Variants in SHQ1 observed in about 807,000 individuals in gnomAD.
SHQ1 encodes the protein SHQ1, H/ACA ribonucleoprotein assembly factor, also known as protein SHQ1 homolog.
Under a neutral mutation model 53.8 loss-of-function variants are expected in SHQ1, and 49 were observed. That is an observed-to-expected ratio of 0.91 (90% CI 0.72 to 1.16). The LOEUF is 1.16. Ranked by LOEUF, SHQ1 falls within the 50% of genes most tolerant of loss-of-function variation. The probability of loss-of-function intolerance (pLI) is 0.00; values close to 1 mark genes in which losing one functional copy is unlikely to be tolerated. For missense variants in SHQ1, 738 were observed against 683.1 expected (o/e 1.08, Z -0.90); for synonymous variants, 243 against 251.0 (o/e 0.97, Z 0.30).
At chr3:72,746,950 A>G (rs1705269201), downstream of SHQ1, among the ~76,000 whole-genome samples, 1 of 152,246 alleles carries the variant, frequency 6.6e-6, no homozygotes, top group Admixed American at 6.5e-5. Flanking sequence ...GGAAGCTGAG[A>G]GAAGTCTTGT....
intron 9 of SHQ1, chr3:72,794,155 G>A (rs568874595): frequency 4.6e-5 from 7 of 152,238 alleles, no homozygotes; most frequent in South Asian, 2.1e-4. Flanking sequence ...TCTGAAACGC[G>A]GAAATACTGT....
In SHQ1 at chr3:72,752,993, G is replaced by C. The variant is rs539685562; in HGVS notation, c.1182-2157C>G. 4.5e-4 allele frequency: 444 copies of C among 985,360 alleles called. 2 individuals are homozygous for C. Among genetic ancestry groups the C allele is most frequent in the South Asian group, 1.0e-3 (22 of 21,284 alleles). The allele number at this position is 985,360 out of a possible 1,614,324, so 61.0% of individuals were successfully genotyped here. A position where few individuals can be genotyped will look rare whatever the true frequency, so the allele number is the denominator to read the frequency against. On this transcript the variant is annotated intron_variant, in intron 10 of 10. Transcript: ENST00000325599. ...CGCTTTTCCTCTAAATTACCTGCTA[G>C]ATTTATAATATTACATTGTATCGAG...
intron 8 of SHQ1, 35 bp downstream of exon 8, chr3:72,815,314 CA>C (rs755523676): frequency 4.3e-5 from 69 of 1,586,376 alleles, no homozygotes; most frequent in Non-Finnish European, 5.7e-5. Context: ...ACTTCCTGAA[CA>C]ACAAATTCTA....
chr3:72,770,965 T>A (rs964559783), intron 10 of SHQ1, among the ~76,000 whole-genome samples: 5 of 152,168 alleles, frequency 3.3e-5, no homozygotes, highest in Admixed American at 6.5e-5. Context: ...ACAAAACATA[T>A]AACAATCTCC....
chr3:72,827,005 T>C (rs182384671), intron 5 of SHQ1, among the ~76,000 whole-genome samples: 2 of 152,274 alleles, frequency 1.3e-5, no homozygotes, highest in East Asian at 3.9e-4. Flanking sequence ...GACATAATGG[T>C]GGCCTAGGAT....
intron 10 of SHQ1, among the ~76,000 whole-genome samples, chr3:72,791,104 G>A (rs1388073817): frequency 6.6e-6 from 1 of 152,012 alleles, no homozygotes; most frequent in African/African-American, 2.4e-5. Flanking sequence ...ATATCACAAA[G>A]AGAGAAACAG....
intron 10 of SHQ1, among the ~76,000 whole-genome samples, chr3:72,758,800 C>T (rs1705554309): frequency 6.6e-6 from 1 of 152,120 alleles, no homozygotes; most frequent in East Asian, 1.9e-4. Flanking sequence ...AACTCCTGAC[C>T]TCATGATCTG....
At chr3:72,825,617 T>C (rs571745363) in intron 5 of SHQ1, among the ~76,000 whole-genome samples, 15 of 152,204 alleles carry the variant, frequency 9.9e-5, no homozygotes, top group Admixed American at 3.3e-4. Flanking sequence ...TATTCAGAAA[T>C]GATTCTATCT....
At chr3:72,832,869 C>T (rs1163094182) in intron 4 of SHQ1, among the ~76,000 whole-genome samples, 1 of 148,938 alleles carries the variant, frequency 6.7e-6, no homozygotes, top group Non-Finnish European at 1.5e-5. Context: ...GATTTTCAGA[C>T]ATCTACACGG....
At chr3:72,805,186 T>C (rs1706901881) in intron 9 of SHQ1, among the ~76,000 whole-genome samples, 1 of 152,092 alleles carries the variant, frequency 6.6e-6, no homozygotes, top group Non-Finnish European at 1.5e-5. Flanking sequence ...AATAAGAAAA[T>C]AAAGACACAG....
At chr3:72,844,228 C>G in intron 2 of SHQ1, 131 bp downstream of exon 2, 1 of 727,582 alleles carries the variant, frequency 1.4e-6, no homozygotes, top group East Asian at 2.8e-5. Flanking sequence ...CACTAAGAAA[C>G]AAGAAAGAGT....
At chr3:72,765,542 TATATATATATA>T (rs1559662581) in intron 10 of SHQ1, among the ~76,000 whole-genome samples, 2 of 96,032 alleles carry the variant, frequency 2.1e-5, no homozygotes, top group African/African-American at 6.3e-5. Context: ...TATATATATA[TATATATATATA>T]TATATTTTTT....
chr3:72,779,919 A>G (rs1706037293), intron 10 of SHQ1, among the ~76,000 whole-genome samples: 2 of 152,138 alleles, frequency 1.3e-5, no homozygotes, highest in Non-Finnish European at 2.9e-5. Flanking sequence ...ACAAACCTGG[A>G]GCAAGGTTGG....
chr3:72,757,086 T>C (rs941079986), intron 10 of SHQ1, among the ~76,000 whole-genome samples: 4 of 152,182 alleles, frequency 2.6e-5, no homozygotes, highest in Non-Finnish European at 4.4e-5. Flanking sequence ...TAGAGTTTTG[T>C]CTCAAACTAT....
At chr3:72,832,727 T>A (rs1362401781) in intron 4 of SHQ1, among the ~76,000 whole-genome samples, 1 of 152,140 alleles carries the variant, frequency 6.6e-6, no homozygotes, top group African/African-American at 2.4e-5. Context: ...CTGACAGATA[T>A]TAAGGCTATA....
At chr3:72,768,422 C>T (rs9882095) in intron 10 of SHQ1, among the ~76,000 whole-genome samples, 3,529 of 152,216 alleles carry the variant, frequency 0.023, 110 homozygotes, top group African/African-American at 0.072. Flanking sequence ...GGCTAAACCG[C>T]GGAGAAGAGC....
intron 10 of SHQ1, among the ~76,000 whole-genome samples, chr3:72,768,422 C>G (rs9882095): frequency 1.3e-5 from 2 of 152,106 alleles, no homozygotes; most frequent in African/African-American, 4.8e-5. Flanking sequence ...GGCTAAACCG[C>G]GGAGAAGAGC....
intron 4 of SHQ1, among the ~76,000 whole-genome samples, chr3:72,837,556 C>T (rs555621937): frequency 2.2e-4 from 33 of 152,222 alleles, no homozygotes; most frequent in African/African-American, 7.9e-4. Context: ...TGTAAAAATA[C>T]TCATATGAGT....
intron 4 of SHQ1, among the ~76,000 whole-genome samples, chr3:72,833,507 CAGACAGACAGAT>C (rs1357835634): frequency 0.023 from 1,062 of 46,518 alleles, 4 homozygotes; most frequent in Middle Eastern, 0.056. Context: ...GATAGACAGA[CAGACAGACAGAT>C]AGATGGATGA....
Sources: gnomAD v4.1 joint callset for allele counts (sites outside exome capture counted in the v4.1 genomes callset) on GRCh38, gnomAD v4.1.1 for gene constraint, MANE v1.5 for transcripts, NCBI Gene and HGNC (gene_info 2026-07-23, HGNC 2026-07-21) for gene names.